The following MAPK14 variants were observed in gnomAD, a reference collection of about 807,000 sequenced individuals.
MAPK14 encodes the protein mitogen-activated protein kinase 14, also known as CSAID-binding protein.
In MAPK14, 16 loss-of-function variants were observed where a neutral mutation model predicts 49.6. The observed-to-expected ratio is 0.32, with a 90% CI of 0.22 to 0.49. The LOEUF (loss-of-function observed/expected upper bound fraction) is 0.49, where lower values mean the gene tolerates loss of function less well. Among genes scored for constraint, MAPK14 ranks in the 20% least tolerant of loss-of-function variants. The pLI is 0.99. For synonymous variants in MAPK14, 142 were observed against 158.0 expected, an observed-to-expected ratio of 0.90 and a Z score of 0.76; for missense variants, 200 against 441.2, an observed-to-expected ratio of 0.45 and a Z score of 4.90.
At chr6:36,100,083 T>G in intron 9 of MAPK14, 2 of 763,786 alleles carry the variant, frequency 2.6e-6, no homozygotes, top group South Asian at 1.4e-5. Context: ...GGAGGGTAGG[T>G]TTTTTTGTCT....
At chr6:36,066,061 A>G (rs1764042598) in intron 3 of MAPK14, among the ~76,000 whole-genome samples, 1 of 152,184 alleles carries the variant, frequency 6.6e-6, no homozygotes, top group African/African-American at 2.4e-5. Context: ...CAGTTCTATA[A>G]AAACTCTTTT....
chr6:36,033,220 C>T (rs547333449), intron 1 of MAPK14, among the ~76,000 whole-genome samples: 8 of 152,178 alleles, frequency 5.3e-5, no homozygotes, highest in South Asian at 2.1e-4. Flanking sequence ...ACATAATTAA[C>T]GGCAAGCATT....
intron 3 of MAPK14, among the ~76,000 whole-genome samples, chr6:36,069,254 A>G (rs1380305477): frequency 6.6e-6 from 1 of 152,200 alleles, no homozygotes; most frequent in Admixed American, 6.5e-5. Context: ...GCTTCTTAAA[A>G]TGTGCTCATT....
chr6:36,059,441 C>CA (rs1763718962), intron 3 of MAPK14, 94 bp downstream of exon 3: 1 of 895,544 alleles, frequency 1.1e-6, no homozygotes, highest in African/African-American at 1.7e-5. Context: ...ATATAGACTT[C>CA]AAAAAATTCT....
chr6:36,028,089 G>C lies in MAPK14; in HGVS notation c.-69G>C. The C allele has an allele frequency of 9.4e-7, 1 of 1,065,904 alleles. No individual in the cohort carries two copies. The highest frequency in any genetic ancestry group is 1.4e-6 in the Non-Finnish European group (1 of 700,466). 66.0% of individuals were successfully genotyped at this position (1,065,904 alleles called of 1,614,324 possible). ...CCGGCTGGGCGGGCAGCAAGGGCCG[G>C]GGAGAGGGTGCGGGTGCAGGCGGGG... On this transcript the variant is annotated 5_prime_UTR_variant, in exon 1 of 12. Coordinates refer to ENST00000229794, the MANE Select transcript of MAPK14 (RefSeq NM_139012.3). The surrounding 1 kb of genome is among the most constrained non-coding windows in gnomAD (Gnocchi z 5.1).
chr6:36,059,438 C>G, intron 3 of MAPK14, 91 bp downstream of exon 3: 2 of 930,976 alleles, frequency 2.1e-6, no homozygotes, highest in Non-Finnish European at 3.4e-6. Flanking sequence ...AACATATAGA[C>G]TTCAAAAAAT....
chr6:36,050,931 T>C (rs1763370326), intron 1 of MAPK14, among the ~76,000 whole-genome samples: 2 of 152,112 alleles, frequency 1.3e-5, no homozygotes, highest in South Asian at 4.1e-4. Flanking sequence ...AGATTGAGGG[T>C]ATGCCATAAA....
chr6:36,120,613 C>A, the MAPK14 span, among the ~76,000 whole-genome samples: 2 of 152,058 alleles, frequency 1.3e-5, no homozygotes, highest in Admixed American at 6.6e-5. Flanking sequence ...CGGCTGTTTT[C>A]GCGTTTTCAC....
In MAPK14 at chr6:36,109,925, G is replaced by T. The variant is rs1765915930; in HGVS notation, c.*1478G>T. ...CAGCTTAACATTGACTTCTTGGTTT[G>T]GGGAGAAATAAATTTTGTTTCAGAA... On this transcript the variant is annotated 3_prime_UTR_variant, in exon 12 of 12. Transcript: ENST00000229794. 6.6e-6 allele frequency: 1 copy of T among 152,560 alleles called. No individual in the cohort carries two copies. Among genetic ancestry groups the T allele is most frequent in the Admixed American group, 6.5e-5 (1 of 15,288 alleles). The allele number at this position is 152,560 out of a possible 1,614,324, so 9.5% of individuals were successfully genotyped here.
chr6:36,092,217 C>A, intron 8 of MAPK14: 2 of 551,798 alleles, frequency 3.6e-6, no homozygotes, highest in South Asian at 2.8e-5. Flanking sequence ...TGATTACTGT[C>A]ACGATGTGTG....
intron 3 of MAPK14, among the ~76,000 whole-genome samples, chr6:36,062,103 A>G (rs902717851): frequency 6.6e-6 from 1 of 151,968 alleles, no homozygotes; most frequent in African/African-American, 2.4e-5. Context: ...CAGTCCCCCA[A>G]GTAGCTGGGA....
intron 1 of MAPK14, among the ~76,000 whole-genome samples, chr6:36,033,212 A>G (rs1011271658): frequency 6.6e-5 from 10 of 152,226 alleles, no homozygotes; most frequent in Non-Finnish European, 1.2e-4. Flanking sequence ...GTCTTTAAAC[A>G]TAATTAACGG....
intron 1 of MAPK14, among the ~76,000 whole-genome samples, chr6:36,038,022 A>G (rs1277830580): frequency 6.6e-6 from 1 of 152,042 alleles, no homozygotes; most frequent in Non-Finnish European, 1.5e-5. Flanking sequence ...AAGAAAAAAA[A>G]AAGGAAGCTA....
intron 10 of MAPK14, among the ~76,000 whole-genome samples, chr6:36,103,888 T>C (rs1336670783): frequency 6.6e-6 from 1 of 152,258 alleles, no homozygotes; most frequent in Non-Finnish European, 1.5e-5. Flanking sequence ...ACTGCATTTC[T>C]TTGCATCTGT....
chr6:36,076,884 A>G (rs994669000), intron 8 of MAPK14: 13 of 273,748 alleles, frequency 4.7e-5, no homozygotes, highest in African/African-American at 2.9e-4. Context: ...ATCCCACAGC[A>G]GTTCTGAGAC....
At chr6:36,044,572 C>T (rs1293015870) in intron 1 of MAPK14, among the ~76,000 whole-genome samples, 1 of 152,168 alleles carries the variant, frequency 6.6e-6, no homozygotes, top group African/African-American at 2.4e-5. Context: ...TATCTCTATA[C>T]CTATCAAAAG....
rs762986353 is a variant in MAPK14, at chr6:36,107,438, G to A, written c.842-17G>A. On this transcript the variant is annotated splice_polypyrimidine_tract_variant and intron_variant, in intron 10 of 11. Transcript: ENST00000229794. The surrounding 1 kb of genome is among the most constrained non-coding windows in gnomAD (Gnocchi z 4.3). ...CATGTTAAAAACTCTTTTCCTTCCT[G>A]TCTATGGTACTGATAGCTGTCGACT... is the stretch of plus-strand genomic sequence containing the variant. 2.7e-6 allele frequency: 4 copies of A among 1,483,986 alleles called. No individual in the cohort carries two copies. The African/African-American group carries it at 4.3e-5, about 16-fold the overall frequency. 91.9% of individuals were successfully genotyped at this position (1,483,986 alleles called of 1,614,324 possible). A position where few individuals can be genotyped will look rare whatever the true frequency, so the allele number is the denominator to read the frequency against.
chr6:36,066,743 T>G (rs548385705), intron 3 of MAPK14, among the ~76,000 whole-genome samples: 14 of 149,750 alleles, frequency 9.3e-5, no homozygotes, highest in South Asian at 4.2e-4. Flanking sequence ...GAATTCTGGG[T>G]GTGTGTGTGT....
chr6:36,103,683 C>T (rs1343350776), intron 10 of MAPK14, among the ~76,000 whole-genome samples: 1 of 152,046 alleles, frequency 6.6e-6, no homozygotes, highest in Non-Finnish European at 1.5e-5. Flanking sequence ...TCAGATGGCC[C>T]CTGAAAGCTG....
Sources: gnomAD v4.1 joint callset for allele counts (sites outside exome capture counted in the v4.1 genomes callset) on GRCh38, gnomAD v4.1.1 for gene constraint, Gnocchi (gnomAD v3.1) non-coding constraint, MANE v1.5 for transcripts, NCBI Gene and HGNC (gene_info 2026-07-23, HGNC 2026-07-21) for gene names.